DLG1: variants seen among roughly 807,000 people sequenced by gnomAD.
DLG1 encodes discs large MAGUK scaffold protein 1, also known as disks large homolog 1.
In DLG1, 42 loss-of-function variants were observed where a neutral mutation model predicts 123.4. That is an observed-to-expected ratio of 0.34 (90% CI 0.27 to 0.44). The LOEUF is 0.44. DLG1 is among the 20% of genes least tolerant of loss of function. The pLI is 1.00. For missense variants in DLG1, 942 were observed against 1,082.6 expected (o/e 0.87, Z 1.82); for synonymous variants, 317 against 356.2 (o/e 0.89, Z 1.24).
intron 1 of DLG1, chr3:197,298,224 C>T (rs1278030477): frequency 3.1e-6 from 1 of 324,456 alleles, no homozygotes; most frequent in Non-Finnish European, 5.6e-6. Flanking sequence ...CCGGGCTCCC[C>T]GCGCTGCTAC....
chr3:197,141,959 G>A (rs992519494), intron 7 of DLG1, among the ~76,000 whole-genome samples: 6 of 152,106 alleles, frequency 3.9e-5, no homozygotes, highest in African/African-American at 7.2e-5. Context: ...CACCCGCCTC[G>A]GCCTCCCAAA....
intron 4 of DLG1, among the ~76,000 whole-genome samples, chr3:197,233,179 T>C (rs1240287722): frequency 1.3e-5 from 2 of 152,162 alleles, no homozygotes; most frequent in Non-Finnish European, 2.9e-5. Flanking sequence ...AATAATTCCA[T>C]GCACAAAAAC....
intron 3 of DLG1, among the ~76,000 whole-genome samples, chr3:197,285,227 A>G (rs1255811366): frequency 6.6e-6 from 1 of 152,142 alleles, no homozygotes; most frequent in East Asian, 1.9e-4. Flanking sequence ...AATGGGAGAA[A>G]GGGAACTTTC....
intron 4 of DLG1, among the ~76,000 whole-genome samples, chr3:197,195,682 C>T (rs1485148487): frequency 2.6e-5 from 4 of 151,974 alleles, no homozygotes; most frequent in Non-Finnish European, 4.4e-5. Flanking sequence ...AAACACTGAA[C>T]ACACATGAGC....
rs553114917 is a variant in DLG1, at chr3:197,157,578, T to C, written c.484-7782A>G. On this transcript the variant is annotated intron_variant, in intron 5 of 24. Transcript: ENST00000667157. ...ATAAATGGGAAGGGATCTGTGGTCA[T>C]AGATTGGAAGACTTACTATTGCAAA... Among the ~76,000 whole-genome samples the C allele has an allele frequency of 8.1e-5, 12 of 148,464 alleles. No individual in the cohort carries two copies. The South Asian group carries it at 1.7e-3, about 21-fold the overall frequency.
chr3:197,183,432 C>T (rs910676931), intron 5 of DLG1: 4 of 767,982 alleles, frequency 5.2e-6, no homozygotes, highest in Non-Finnish European at 8.1e-6. Context: ...TAAAGACCTA[C>T]ACGGATGGAC....
At chr3:197,297,880 T>C (rs1778283442) in intron 1 of DLG1, 2 of 984,494 alleles carry the variant, frequency 2.0e-6, no homozygotes, top group Non-Finnish European at 2.4e-6. Context: ...CCGGCCCCGC[T>C]CCACGTACCC....
At chr3:197,136,742 T>A in intron 9 of DLG1, 64 bp from the exon 10 acceptor site, 2 of 1,406,544 alleles carry the variant, frequency 1.4e-6, no homozygotes, top group Admixed American at 2.3e-5. Context: ...AAAGAAATGG[T>A]TGAAAACTAC....
At chr3:197,253,675 G>A (rs1755497527) in intron 4 of DLG1, among the ~76,000 whole-genome samples, 1 of 152,164 alleles carries the variant, frequency 6.6e-6, no homozygotes, top group African/African-American at 2.4e-5. Flanking sequence ...ATCAGTGGTT[G>A]CTTTGAGTTA....
chr3:197,076,777 A>G, intron 17 of DLG1, 92 bp from the exon 18 acceptor site: 1 of 753,960 alleles, frequency 1.3e-6, no homozygotes, highest in Non-Finnish European at 2.3e-6. Context: ...GCTGACTCCT[A>G]TGACCACAGT....
At chr3:197,265,551 A>G (rs148836939) in intron 4 of DLG1, among the ~76,000 whole-genome samples, 3 of 152,348 alleles carry the variant, frequency 2.0e-5, no homozygotes, top group African/African-American at 7.2e-5. Flanking sequence ...AAAGCTCCAG[A>G]GATCTGCAGA....
intron 4 of DLG1, among the ~76,000 whole-genome samples, chr3:197,252,658 G>C (rs1057079118): frequency 2.0e-5 from 3 of 152,192 alleles, no homozygotes; most frequent in African/African-American, 7.2e-5. Flanking sequence ...AGAGTCTGTA[G>C]ATGGATAGTG....
chr3:197,287,452 C>CAT (rs148846306), intron 3 of DLG1, among the ~76,000 whole-genome samples: 505 of 31,242 alleles, frequency 0.016, 3 homozygotes, highest in African/African-American at 0.034. Context: ...TGTTTCCAAA[C>CAT]GTATTAAGGG....
chr3:197,275,105 G>A (rs1213713991), intron 4 of DLG1, among the ~76,000 whole-genome samples: 1 of 151,778 alleles, frequency 6.6e-6, no homozygotes, highest in Non-Finnish European at 1.5e-5. Context: ...AGAATTGCTT[G>A]GACCTGGGAG....
rs560968378 is a variant in DLG1 at position 197,162,847 on chromosome 3, C to A, written c.484-13051G>T. On this transcript the variant is annotated intron_variant, in intron 5 of 24. Coordinates refer to ENST00000667157, the MANE Select transcript of DLG1 (RefSeq NM_001366207.1). ...ATCATAAATGATGAAAGAAAAAAAT[C>A]AATTAGACTCTAACAGAATTAAAAC... Among the ~76,000 whole-genome samples, 5 of 152,238 alleles carry A rather than the reference C, an allele frequency of 3.3e-5. No individual in the cohort carries two copies. In the East Asian group the frequency reaches 7.7e-4, roughly 23 times the overall value.
At chr3:197,218,136 A>C (rs1285899968) in intron 4 of DLG1, among the ~76,000 whole-genome samples, 6 of 152,234 alleles carry the variant, frequency 3.9e-5, no homozygotes, top group Non-Finnish European at 8.8e-5. Flanking sequence ...TCTTCTAGAT[A>C]CTGTGGGTTA....
At chr3:197,111,854 A>T (rs1770213066) in intron 13 of DLG1, among the ~76,000 whole-genome samples, 1 of 152,164 alleles carries the variant, frequency 6.6e-6, no homozygotes, top group Non-Finnish European at 1.5e-5. Context: ...TTAATTGCTG[A>T]GTAGTATTAT....
chr3:197,147,661 G>A (rs1305078117), intron 6 of DLG1, among the ~76,000 whole-genome samples: 1 of 151,936 alleles, frequency 6.6e-6, no homozygotes, highest in Non-Finnish European at 1.5e-5. Context: ...TGGCATTTGG[G>A]GACTCGGGAA....
chr3:197,163,485 G>T (rs992059374), intron 5 of DLG1, among the ~76,000 whole-genome samples: 7 of 151,760 alleles, frequency 4.6e-5, no homozygotes, highest in Non-Finnish European at 8.8e-5. Context: ...GGAGATGAAC[G>T]GATACACAAA....
Sources: allele counts gnomAD v4.1 joint callset (sites outside exome capture counted in the v4.1 genomes callset), GRCh38; gene constraint gnomAD v4.1.1; transcripts MANE v1.5; gene names NCBI Gene and HGNC (gene_info 2026-07-23, HGNC 2026-07-21).